The following SGK1 variants were observed in gnomAD, a reference collection of about 807,000 sequenced individuals.
The protein encoded by SGK1 is serum/glucocorticoid regulated kinase 1, also known as serine/threonine-protein kinase Sgk1.
SGK1 carries 26 observed loss-of-function variants against 64.2 expected under a neutral mutation model. The ratio of observed to expected loss-of-function variants is 0.40; its 90% CI spans 0.30 to 0.56. The LOEUF (loss-of-function observed/expected upper bound fraction) is 0.56, where lower values mean the gene tolerates loss of function less well. SGK1 is among the 20% of genes least tolerant of loss of function. The pLI is 0.38. For missense variants in SGK1, 519 were observed against 645.6 expected, an observed-to-expected ratio of 0.80 and a Z score of 2.12; for synonymous variants, 265 against 239.7, an observed-to-expected ratio of 1.11 and a Z score of -0.98.
At chr6:134,188,496 C>T (rs920535459) in intron 3 of SGK1, among the ~76,000 whole-genome samples, 8 of 152,160 alleles carry the variant, frequency 5.3e-5, no homozygotes, top group African/African-American at 1.9e-4. Flanking sequence ...TGCAGCTGTC[C>T]ACTTGTGTGA....
chr6:134,192,639 G>C (rs1279723748), intron 3 of SGK1, among the ~76,000 whole-genome samples: 3 of 142,436 alleles, frequency 2.1e-5, no homozygotes, highest in Non-Finnish European at 4.5e-5. Flanking sequence ...GCACGATCTT[G>C]GCTCACTGCA....
At chr6:134,299,680 A>C (rs984486863) in intron 1 of SGK1, among the ~76,000 whole-genome samples, 2 of 152,012 alleles carry the variant, frequency 1.3e-5, no homozygotes, top group African/African-American at 4.8e-5. Context: ...TTAGTAAACC[A>C]CTTAAAAAAA....
intron 1 of SGK1, among the ~76,000 whole-genome samples, chr6:134,268,613 C>G (rs1004346835): frequency 6.9e-6 from 1 of 144,368 alleles, no homozygotes; most frequent in Non-Finnish European, 1.5e-5. Flanking sequence ...GTCCCAGCTA[C>G]TCGGGAGGCT....
chr6:134,241,867 A>G (rs1180559532), intron 2 of SGK1, among the ~76,000 whole-genome samples: 2 of 151,090 alleles, frequency 1.3e-5, no homozygotes, highest in Admixed American at 6.6e-5. Context: ...TGATCCGCCC[A>G]CCTCGGCCTC....
At chr6:134,196,315 C>A (rs1775593310) in intron 3 of SGK1, among the ~76,000 whole-genome samples, 1 of 151,896 alleles carries the variant, frequency 6.6e-6, no homozygotes, top group Admixed American at 6.6e-5. Context: ...AGCTACCTGC[C>A]TTGGCCTCCC....
chr6:134,244,634 A>G (rs909794175), intron 2 of SGK1, among the ~76,000 whole-genome samples: 36 of 151,960 alleles, frequency 2.4e-4, no homozygotes, highest in African/African-American at 8.7e-4. Flanking sequence ...CTCGCCCTCC[A>G]TGGGCTGCAT....
chr6:134,177,981 C>G (rs1380658771), intron 3 of SGK1: 9 of 677,798 alleles, frequency 1.3e-5, no homozygotes, highest in East Asian at 2.8e-5. Flanking sequence ...TCATCAGTGT[C>G]CTAGCTTTAT....
intron 2 of SGK1, among the ~76,000 whole-genome samples, chr6:134,220,159 T>G (rs1776067966): frequency 6.6e-6 from 1 of 151,810 alleles, no homozygotes; most frequent in South Asian, 2.1e-4. Context: ...TGGTGTTTTG[T>G]AGATTTTGCC....
chr6:134,218,879 C>A (rs1776032752), intron 2 of SGK1: 1 of 152,188 alleles, frequency 6.6e-6, no homozygotes, highest in African/African-American at 2.4e-5. Context: ...AATAATATCA[C>A]CAGAATCAAT....
At chr6:134,250,865 C>T (rs530516588) in intron 2 of SGK1, among the ~76,000 whole-genome samples, 1 of 152,236 alleles carries the variant, frequency 6.6e-6, no homozygotes, top group African/African-American at 2.4e-5. Context: ...ACTTGACCTC[C>T]TGGGCTCAAG....
intron 3 of SGK1, among the ~76,000 whole-genome samples, chr6:134,204,199 A>G (rs1775730127): frequency 6.6e-6 from 1 of 151,032 alleles, no homozygotes; most frequent in African/African-American, 2.4e-5. Flanking sequence ...CACTCTTAGT[A>G]ATGGACTGAC....
At chr6:134,303,221 T>C (rs1777484975) in intron 1 of SGK1, among the ~76,000 whole-genome samples, 1 of 151,814 alleles carries the variant, frequency 6.6e-6, no homozygotes, top group African/African-American at 2.4e-5. Context: ...GTGACACCCA[T>C]CTCTACTAAA....
At chr6:134,232,648 C>G (rs925007598) in intron 2 of SGK1, among the ~76,000 whole-genome samples, 2 of 151,670 alleles carry the variant, frequency 1.3e-5, no homozygotes, top group South Asian at 4.2e-4. Flanking sequence ...TCCAGGAGTT[C>G]GAGACCAGCC....
chr6:134,201,099 C>A (rs899192139), intron 3 of SGK1, among the ~76,000 whole-genome samples: 1 of 140,880 alleles, frequency 7.1e-6, no homozygotes, highest in African/African-American at 2.6e-5. Context: ...CTCACTCTGT[C>A]CCCCAGGCTG....
chr6:134,218,362 G>A (rs1776020625), intron 2 of SGK1, among the ~76,000 whole-genome samples: 1 of 151,996 alleles, frequency 6.6e-6, no homozygotes, highest in Non-Finnish European at 1.5e-5. Flanking sequence ...ACAGTGCTAG[G>A]AGCCATGGGC....
intron 3 of SGK1, chr6:134,180,365 A>G (rs186439882): frequency 6.6e-6 from 1 of 152,206 alleles, no homozygotes; most frequent in Non-Finnish European, 1.5e-5. Flanking sequence ...TAATCCAATC[A>G]ATGATTAAAA....
intron 2 of SGK1, among the ~76,000 whole-genome samples, chr6:134,232,849 C>T (rs1776310990): frequency 7.1e-6 from 1 of 141,108 alleles, no homozygotes; most frequent in Non-Finnish European, 1.5e-5. Flanking sequence ...GAGACTCCAC[C>T]TCAAAAAAAA....
At chr6:134,206,909 T>C (rs1479261995) in intron 3 of SGK1, among the ~76,000 whole-genome samples, 2 of 147,520 alleles carry the variant, frequency 1.4e-5, no homozygotes, top group East Asian at 4.0e-4. Context: ...TTGCAGTGTA[T>C]TCGAGTGTTG....
intron 1 of SGK1, among the ~76,000 whole-genome samples, chr6:134,291,966 C>T (rs1215875639): frequency 1.3e-5 from 2 of 151,672 alleles, no homozygotes; most frequent in African/African-American, 2.4e-5. Context: ...ATTCAGGAGG[C>T]TGAGGGACAA....
Sources: gnomAD v4.1 joint callset for allele counts (sites outside exome capture counted in the v4.1 genomes callset) on GRCh38, gnomAD v4.1.1 for gene constraint, MANE v1.5 for transcripts, NCBI Gene and HGNC (gene_info 2026-07-23, HGNC 2026-07-21) for gene names.